The following PLCB1 variants were observed in gnomAD, a reference collection of about 807,000 sequenced individuals.
PLCB1 encodes the protein 1-phosphatidylinositol 4,5-bisphosphate phosphodiesterase beta-1.
A neutral mutation model predicts 161.8 loss-of-function variants in PLCB1; 46 were observed. The observed-to-expected ratio is 0.28, with a 90% CI of 0.22 to 0.36. The LOEUF (loss-of-function observed/expected upper bound fraction) is 0.36, where lower values mean the gene tolerates loss of function less well. PLCB1 is among the 10% of genes least tolerant of loss of function. The pLI, the probability that PLCB1 is intolerant of heterozygous loss-of-function variation, is 1.00. For missense variants in PLCB1, 1,016 were observed against 1,472.5 expected (o/e 0.69, Z 5.07); for synonymous variants, 517 against 503.7 (o/e 1.03, Z -0.35).
At chr20:8,681,403 A>G (rs567119247) in intron 9 of PLCB1, among the ~76,000 whole-genome samples, 11 of 152,262 alleles carry the variant, frequency 7.2e-5, no homozygotes, top group African/African-American at 2.4e-4. Context: ...AGCTAAAGTT[A>G]AAATCCATTT....
intron 3 of PLCB1, among the ~76,000 whole-genome samples, chr20:8,409,232 C>T (rs1384265073): frequency 2.6e-5 from 4 of 152,136 alleles, no homozygotes; most frequent in African/African-American, 9.7e-5. Context: ...TGGCATGCAA[C>T]TGCCTATGAC....
At chr20:8,332,190 C>CT (rs1985390303) in intron 2 of PLCB1, among the ~76,000 whole-genome samples, 1 of 152,218 alleles carries the variant, frequency 6.6e-6, no homozygotes, top group Admixed American at 6.5e-5. Context: ...TACTGACTTG[C>CT]TGTCAGCGGG....
chr20:8,340,045 G>T (rs149150979), intron 2 of PLCB1, among the ~76,000 whole-genome samples: 6 of 152,302 alleles, frequency 3.9e-5, no homozygotes, highest in Admixed American at 2.0e-4. Context: ...CATGTGCTCA[G>T]TAAACACTAC....
At chr20:8,713,747 C>T (rs1054234250) in intron 12 of PLCB1, among the ~76,000 whole-genome samples, 4 of 152,122 alleles carry the variant, frequency 2.6e-5, no homozygotes, top group South Asian at 2.1e-4. Context: ...ATGCATGTTC[C>T]GGGGCTTTGG....
intron 18 of PLCB1, among the ~76,000 whole-genome samples, chr20:8,732,879 AT>A (rs1980347800): frequency 6.8e-6 from 1 of 146,112 alleles, no homozygotes; most frequent in Non-Finnish European, 1.5e-5. Context: ...ATTATATTAT[AT>A]TAATATTTAA....
At chr20:8,649,769 C>T (rs1009228342) in intron 7 of PLCB1, 1 of 340,544 alleles carries the variant, frequency 2.9e-6, no homozygotes, top group African/African-American at 2.0e-5. Context: ...GACTTCCCAG[C>T]CTTTGTAACT....
At chr20:8,546,784 A>G (rs1600144051) in intron 3 of PLCB1, among the ~76,000 whole-genome samples, 1 of 148,864 alleles carries the variant, frequency 6.7e-6, no homozygotes, top group Non-Finnish European at 1.5e-5. Flanking sequence ...AGTATCATAA[A>G]CCCTCTTGAC....
intron 31 of PLCB1, among the ~76,000 whole-genome samples, chr20:8,828,437 A>T (rs1985819748): frequency 6.6e-6 from 1 of 152,224 alleles, no homozygotes; most frequent in Non-Finnish European, 1.5e-5. Flanking sequence ...GCGAATGCCT[A>T]AGACAATGGA....
intron 25 of PLCB1, among the ~76,000 whole-genome samples, chr20:8,761,925 TA>T (rs1416349507): frequency 6.8e-6 from 1 of 147,888 alleles, no homozygotes; most frequent in East Asian, 2.2e-4. Flanking sequence ...GATTTAGTTC[TA>T]GGCTGGGTGT....
At chr20:8,236,701 A>G (rs2123194957) in intron 2 of PLCB1, among the ~76,000 whole-genome samples, 1 of 152,184 alleles carries the variant, frequency 6.6e-6, no homozygotes, top group South Asian at 2.1e-4. Context: ...CCAAGTCCGA[A>G]CCAAACAAAC....
At chr20:8,230,396 T>TTG (rs1242695585) in intron 2 of PLCB1, among the ~76,000 whole-genome samples, 1 of 152,168 alleles carries the variant, frequency 6.6e-6, no homozygotes, top group Non-Finnish European at 1.5e-5. Context: ...TTATCATTTT[T>TTG]TGTGTGTGTG....
rs548502577 is a variant in PLCB1 at position 8,842,713 on chromosome 20, A to T, written c.3424-38909A>T. Among the ~76,000 whole-genome samples, 11 of 152,320 alleles carry T rather than the reference A, an allele frequency of 7.2e-5. No individual in the cohort carries two copies. In the East Asian group the frequency reaches 2.1e-3, roughly 29 times the overall value. ...AAGGGTCATGATTGATTGAGCAAGC[A>T]GGCGGTGCGTGACTGGGGGCTGCAT... On this transcript the variant is annotated intron_variant, in intron 31 of 31. Transcript: ENST00000338037.
At chr20:8,297,352 C>T (rs1256298471) in intron 2 of PLCB1, among the ~76,000 whole-genome samples, 1 of 151,880 alleles carries the variant, frequency 6.6e-6, no homozygotes, top group Non-Finnish European at 1.5e-5. Flanking sequence ...TTCCCCATTT[C>T]TGTAGAAAAA....
At chr20:8,532,936 A>G (rs186771245) in intron 3 of PLCB1, among the ~76,000 whole-genome samples, 2 of 152,012 alleles carry the variant, frequency 1.3e-5, no homozygotes, top group African/African-American at 4.8e-5. Context: ...ATATGTATAC[A>G]TGTGCCATGC....
chr20:8,188,749 A>G (rs2051933628), intron 2 of PLCB1, among the ~76,000 whole-genome samples: 2 of 152,098 alleles, frequency 1.3e-5, no homozygotes, highest in Non-Finnish European at 2.9e-5. Context: ...ATTCTTAGCC[A>G]ATTTTGTTAG....
At chr20:8,282,668 CAA>C (rs978220739) in intron 2 of PLCB1, among the ~76,000 whole-genome samples, 1 of 152,062 alleles carries the variant, frequency 6.6e-6, no homozygotes, top group Non-Finnish European at 1.5e-5. Flanking sequence ...GCATGCAAAG[CAA>C]GGGAAAATAA....
At chr20:8,507,257 G>C (rs569538796) in intron 3 of PLCB1, among the ~76,000 whole-genome samples, 1 of 152,082 alleles carries the variant, frequency 6.6e-6, no homozygotes, top group Non-Finnish European at 1.5e-5. Context: ...ACTGTCTCAG[G>C]GATGGCAAAG....
intron 3 of PLCB1, among the ~76,000 whole-genome samples, chr20:8,548,154 C>T (rs971631662): frequency 3.4e-5 from 5 of 148,702 alleles, no homozygotes; most frequent in African/African-American, 9.9e-5. Context: ...CTTTCTTTCT[C>T]TCTTTCTCTT....
chr20:8,539,842 A>G (rs1310894869), intron 3 of PLCB1, among the ~76,000 whole-genome samples: 6 of 150,482 alleles, frequency 4.0e-5, no homozygotes, highest in African/African-American at 1.5e-4. Context: ...AATAAGTAAC[A>G]TTAATAAAAC....
Sources: allele counts gnomAD v4.1 joint callset (sites outside exome capture counted in the v4.1 genomes callset), GRCh38; gene constraint gnomAD v4.1.1; transcripts MANE v1.5; gene names NCBI Gene and HGNC (gene_info 2026-07-23, HGNC 2026-07-21).